Variants in JAKMIP2 observed in about 807,000 individuals in gnomAD.
JAKMIP2 encodes janus kinase and microtubule interacting protein 2.
JAKMIP2 carries 25 observed loss-of-function variants against 115.0 expected under a neutral mutation model. That is an observed-to-expected ratio of 0.22 (90% confidence interval 0.16 to 0.30). JAKMIP2 has a LOEUF of 0.30. Ranked by LOEUF, JAKMIP2 falls within the 10% of genes least tolerant of loss-of-function variation. The probability of loss-of-function intolerance (pLI) is 1.00; values close to 1 mark genes in which losing one functional copy is unlikely to be tolerated. For missense variants in JAKMIP2, 642 were observed against 957.6 expected, an observed-to-expected ratio of 0.67 and a Z score of 4.35; for synonymous variants, 334 against 343.6, an observed-to-expected ratio of 0.97 and a Z score of 0.31.
chr5:147,699,773 G>A (rs1021274567), intron 1 of JAKMIP2, among the ~76,000 whole-genome samples: 12 of 152,220 alleles, frequency 7.9e-5, no homozygotes, highest in African/African-American at 1.7e-4. Flanking sequence ...GGCAACAAAT[G>A]CTAGTGTTTC....
chr5:147,663,041 G>T (rs1405686539), intron 2 of JAKMIP2, among the ~76,000 whole-genome samples: 1 of 151,992 alleles, frequency 6.6e-6, no homozygotes, highest in Non-Finnish European at 1.5e-5. Context: ...AGTCCCAGGA[G>T]TAATAGCTAG....
At chr5:147,649,746 C>G (rs765990835) in intron 4 of JAKMIP2, among the ~76,000 whole-genome samples, 3 of 151,986 alleles carry the variant, frequency 2.0e-5, no homozygotes, top group Non-Finnish European at 4.4e-5. Flanking sequence ...TAATACATTT[C>G]CATTATTATA....
chr5:147,715,079 T>C (rs976401066), intron 1 of JAKMIP2, among the ~76,000 whole-genome samples: 3 of 152,240 alleles, frequency 2.0e-5, no homozygotes, highest in Non-Finnish European at 4.4e-5. Flanking sequence ...AGAAGAAACA[T>C]AAATGTATGT....
chr5:147,768,005 C>G (rs1350725631), intron 1 of JAKMIP2, among the ~76,000 whole-genome samples: 2 of 152,090 alleles, frequency 1.3e-5, no homozygotes, highest in African/African-American at 4.8e-5. Flanking sequence ...CCATTCATGG[C>G]TTGATTCCAT....
At chr5:147,700,591 CT>C (rs1427083413) in intron 1 of JAKMIP2, among the ~76,000 whole-genome samples, 2 of 152,176 alleles carry the variant, frequency 1.3e-5, no homozygotes, top group African/African-American at 4.8e-5. Context: ...ATTTAGCTGT[CT>C]TTAAGTGTCT....
At chr5:147,662,364 A>C (rs1759048761) in intron 2 of JAKMIP2, among the ~76,000 whole-genome samples, 1 of 152,144 alleles carries the variant, frequency 6.6e-6, no homozygotes, top group African/African-American at 2.4e-5. Context: ...GTAGTTTGAT[A>C]AAATATTTCG....
At chr5:147,651,996 A>G (rs1342309133) in intron 3 of JAKMIP2, among the ~76,000 whole-genome samples, 1 of 152,080 alleles carries the variant, frequency 6.6e-6, no homozygotes, top group Non-Finnish European at 1.5e-5. Flanking sequence ...GTTGTTTTTT[A>G]TGTACTCACC....
At chr5:147,632,602 AGC>A (rs2126689606) in intron 13 of JAKMIP2, 76 bp downstream of exon 13, 2 of 906,688 alleles carry the variant, frequency 2.2e-6, no homozygotes, top group Non-Finnish European at 3.5e-6. Flanking sequence ...TGCTTAATAC[AGC>A]GCCTAGCTCC....
chr5:147,623,228 T>G, intron 17 of JAKMIP2, among the ~76,000 whole-genome samples: 1 of 151,754 alleles, frequency 6.6e-6, no homozygotes, highest in Non-Finnish European at 1.5e-5. Context: ...TCTACTCTTT[T>G]TTTTTTTTTT....
At chr5:147,690,540 T>C (rs1197050022) in intron 1 of JAKMIP2, among the ~76,000 whole-genome samples, 4 of 1,038 alleles carry the variant, frequency 3.9e-3, no homozygotes, top group Non-Finnish European at 0.019. Context: ...CTAAAGAGAT[T>C]ATATATATAT....
Position 147,735,335 on chromosome 5 carries a change from G to T in JAKMIP2, c.-149+47121C>A, listed in dbSNP as rs79029157. ...AGTCTGTTCTCAGGCTGCTAATAAA[G>T]ATATACCCAAGACTGGGTAGTTTAT... On this transcript the variant is annotated intron_variant, in intron 1 of 21. Coordinates refer to ENST00000616793, the MANE Select transcript of JAKMIP2 (RefSeq NM_001270941.2). 9.7e-3 allele frequency among the ~76,000 whole-genome samples: 1,475 copies of T among 152,254 alleles called. 25 individuals carry two copies. The highest frequency in any genetic ancestry group is 0.034 in the African/African-American group (1,424 of 41,546).
chr5:147,768,666 C>A (rs930601484), intron 1 of JAKMIP2, among the ~76,000 whole-genome samples: 1 of 152,090 alleles, frequency 6.6e-6, no homozygotes, highest in African/African-American at 2.4e-5. Context: ...GACAGCATTA[C>A]AATGCGTAAT....
intron 20 of JAKMIP2, among the ~76,000 whole-genome samples, chr5:147,611,278 C>A (rs114023153): frequency 6.6e-6 from 1 of 152,298 alleles, no homozygotes; most frequent in African/African-American, 2.4e-5. Context: ...CAAACAGCCT[C>A]CTAGTTTTGT....
intron 20 of JAKMIP2, among the ~76,000 whole-genome samples, chr5:147,611,350 T>TG (rs1756309019): frequency 6.6e-6 from 1 of 152,156 alleles, no homozygotes; most frequent in African/African-American, 2.4e-5. Context: ...CTGTGGGTTG[T>TG]GAAGACCATG....
chr5:147,695,529 G>C (rs1253309833), intron 1 of JAKMIP2, among the ~76,000 whole-genome samples: 1 of 152,104 alleles, frequency 6.6e-6, no homozygotes, highest in African/African-American at 2.4e-5. Flanking sequence ...TTCTCCAATA[G>C]TAGCATCCCT....
At chr5:147,617,832 A>G in intron 19 of JAKMIP2, 79 bp downstream of exon 19, 1 of 1,124,484 alleles carries the variant, frequency 8.9e-7, no homozygotes. Context: ...CTCCGTACCC[A>G]TACTCAATAC....
At chr5:147,638,214 T>A (rs1158469280) in intron 10 of JAKMIP2, among the ~76,000 whole-genome samples, 1 of 152,174 alleles carries the variant, frequency 6.6e-6, no homozygotes, top group East Asian at 1.9e-4. Flanking sequence ...TTTTCTAACA[T>A]CTTTATTTCT....
intron 1 of JAKMIP2, among the ~76,000 whole-genome samples, chr5:147,739,212 T>C (rs1408809574): frequency 6.6e-6 from 1 of 151,182 alleles, no homozygotes; most frequent in African/African-American, 2.4e-5. Context: ...CCAAGAAAGA[T>C]GGAGGGCAGC....
rs931312817 is a variant in JAKMIP2, at chr5:147,739,079, C to T, written c.-149+43377G>A. ...GGTAGGTCACACCTGCTCCTTAAGC[C>T]TCACCAAGGGGAAGGGGCTCTGCTC... On this transcript the variant is annotated intron_variant, in intron 1 of 21. Coordinates refer to ENST00000616793, the MANE Select transcript of JAKMIP2 (RefSeq NM_001270941.2). Among the ~76,000 whole-genome samples the T allele has an allele frequency of 4.6e-5, 7 of 152,130 alleles. No homozygotes were observed. In the South Asian group the frequency reaches 1.2e-3, roughly 27 times the overall value.
Sources: allele counts gnomAD v4.1 joint callset (sites outside exome capture counted in the v4.1 genomes callset), GRCh38; gene constraint gnomAD v4.1.1; transcripts MANE v1.5; gene names NCBI Gene and HGNC (gene_info 2026-07-23, HGNC 2026-07-21).